Variants in ZFAT observed in about 807,000 individuals in gnomAD.
ZFAT encodes zinc finger and AT-hook domain containing, also known as zinc finger protein ZFAT.
A neutral mutation model predicts 117.7 loss-of-function variants in ZFAT; 64 were observed. That is an observed-to-expected ratio of 0.54 (90% confidence interval 0.44 to 0.67). The LOEUF is 0.67. ZFAT is among the 30% of genes least tolerant of loss of function. The pLI is 0.00. For synonymous variants in ZFAT, 679 were observed against 615.0 expected (o/e 1.10, Z -1.54); for missense variants, 1,433 against 1,584.5 (o/e 0.90, Z 1.62).
intron 3 of ZFAT, among the ~76,000 whole-genome samples, chr8:134,616,149 A>G (rs1244215852): frequency 6.6e-6 from 1 of 152,188 alleles, no homozygotes; most frequent in Non-Finnish European, 1.5e-5. Flanking sequence ...GCACTCCTGT[A>G]CAAGCCATGC....
chr8:134,652,458 A>G (rs1188160601), intron 2 of ZFAT, among the ~76,000 whole-genome samples: 1 of 152,230 alleles, frequency 6.6e-6, no homozygotes, highest in Non-Finnish European at 1.5e-5. Flanking sequence ...GGAAAGTCAT[A>G]AATATGTAGC....
Position 134,540,113 on chromosome 8 carries a change from G to C in ZFAT, c.2977-7141C>G, listed in dbSNP as rs148215699. Among the ~76,000 whole-genome samples the C allele has an allele frequency of 1.3e-3, 204 of 152,290 alleles. 2 individuals are homozygous for C. The highest frequency in any genetic ancestry group is 4.9e-3 in the African/African-American group (202 of 41,550). ...ATATTAGCACAGGCAACTAGTAGAT[G>C]CCCTAAGACTGAACACAGCCATAGA... On this transcript the variant is annotated intron_variant, in intron 11 of 15. Coordinates refer to ENST00000377838, the MANE Select transcript of ZFAT (RefSeq NM_020863.4).
chr8:134,751,028 C>T, the ZFAT span, among the ~76,000 whole-genome samples: 5 of 152,136 alleles, frequency 3.3e-5, no homozygotes. Flanking sequence ...TGTAGCAAAT[C>T]ACATTAATTT....
chr8:134,742,131 C>A, the ZFAT span, among the ~76,000 whole-genome samples: 1 of 150,720 alleles, frequency 6.6e-6, no homozygotes, highest in Admixed American at 6.6e-5. Flanking sequence ...GTCTTTGAAG[C>A]TTCATTTATT....
At chr8:134,755,334 A>C in the ZFAT span, among the ~76,000 whole-genome samples, 1 of 147,926 alleles carries the variant, frequency 6.8e-6, no homozygotes, top group Non-Finnish European at 1.5e-5. Context: ...AAATGCTTGA[A>C]CCTGGGAGGT....
intron 7 of ZFAT, 145 bp from the exon 8 acceptor site, chr8:134,590,500 C>T: frequency 1.6e-6 from 1 of 616,994 alleles, no homozygotes; most frequent in Admixed American, 2.6e-5. Flanking sequence ...ACCACCATCA[C>T]ATCACCATCA....
At chr8:134,645,187 A>T (rs187783882) in intron 2 of ZFAT, among the ~76,000 whole-genome samples, 57 of 152,376 alleles carry the variant, frequency 3.7e-4, no homozygotes, top group Middle Eastern at 6.8e-3. Context: ...GCTTCACGTT[A>T]TAACGAGAGA....
chr8:134,583,693 T>A (rs1825869264), intron 10 of ZFAT, 139 bp downstream of exon 10: 28 of 1,043,872 alleles, frequency 2.7e-5, no homozygotes, highest in Non-Finnish European at 3.8e-5. Flanking sequence ...AGGCCTGGTC[T>A]TCACCGCTCT....
At position 134,620,041 on chromosome 8, in the gene ZFAT, G is replaced by T. The variant is rs147773179; in HGVS notation, c.449-9386C>A. Among the ~76,000 whole-genome samples the T allele has an allele frequency of 2.0e-3, 307 of 152,324 alleles. 1 individual carries two copies. The highest frequency in any genetic ancestry group is 2.3e-3 in the Non-Finnish European group (155 of 68,024). ...CAATGAGATGAGGTGATAGTCAAAT[G>T]GCAAAGTGTAATACTGTGTTAAGGT... On this transcript the variant is annotated intron_variant, in intron 3 of 15. Coordinates refer to ENST00000377838, the MANE Select transcript of ZFAT (RefSeq NM_020863.4).
chr8:134,760,508 G>T, the ZFAT span, among the ~76,000 whole-genome samples: 1 of 152,174 alleles, frequency 6.6e-6, no homozygotes, highest in African/African-American at 2.4e-5. Flanking sequence ...GAATCACCCA[G>T]AAGACTAGAT....
intron 1 of ZFAT, among the ~76,000 whole-genome samples, chr8:134,684,069 C>T (rs571981455): frequency 1.8e-4 from 27 of 152,112 alleles, no homozygotes; most frequent in Non-Finnish European, 3.5e-4. Context: ...AAGCTGTTAA[C>T]TTACAGGGGA....
At chr8:134,785,063 G>T in the ZFAT span, 1 of 152,192 alleles carries the variant, frequency 6.6e-6, no homozygotes, top group African/African-American at 2.4e-5. Context: ...CTTTACTAAA[G>T]TATGAATTAT....
intron 3 of ZFAT, among the ~76,000 whole-genome samples, chr8:134,630,959 T>C (rs1447029085): frequency 2.6e-5 from 4 of 152,250 alleles, no homozygotes; most frequent in African/African-American, 7.2e-5. Context: ...AATTGTGATA[T>C]TGTGCTTGGC....
chr8:134,612,610 T>C (rs1413692735), intron 3 of ZFAT, among the ~76,000 whole-genome samples: 1 of 152,254 alleles, frequency 6.6e-6, no homozygotes, highest in Non-Finnish European at 1.5e-5. Context: ...ACAATCCAGG[T>C]GCTTGGACCA....
chr8:134,692,903 C>A (rs190974683), intron 1 of ZFAT, among the ~76,000 whole-genome samples: 2 of 152,182 alleles, frequency 1.3e-5, no homozygotes, highest in Middle Eastern at 3.4e-3. Context: ...ATAGTGAGAT[C>A]CAGATTTTTC....
At chr8:134,506,494 CT>C (rs1275224225) in intron 15 of ZFAT, among the ~76,000 whole-genome samples, 1 of 152,210 alleles carries the variant, frequency 6.6e-6, no homozygotes, top group Admixed American at 6.5e-5. Context: ...TGGGCAAAAT[CT>C]TTTCCTTGTC....
chr8:134,719,353 G>A, the ZFAT span, among the ~76,000 whole-genome samples: 1 of 152,306 alleles, frequency 6.6e-6, no homozygotes, highest in East Asian at 1.9e-4. Context: ...TCAGGGGTTG[G>A]TGGAAGGGAA....
the ZFAT span, among the ~76,000 whole-genome samples, chr8:134,823,439 A>G: frequency 9.9e-5 from 15 of 152,208 alleles, no homozygotes; most frequent in African/African-American, 2.7e-4. Flanking sequence ...CATTCTTTTA[A>G]GTGCTTATAT....
the ZFAT span, among the ~76,000 whole-genome samples, chr8:134,804,586 G>T: frequency 6.6e-6 from 1 of 152,146 alleles, no homozygotes; most frequent in Non-Finnish European, 1.5e-5. Context: ...ACTTGGAAAG[G>T]TTATAAAGAC....
Sources: gnomAD v4.1 joint callset for allele counts (sites outside exome capture counted in the v4.1 genomes callset) on GRCh38, gnomAD v4.1.1 for gene constraint, MANE v1.5 for transcripts, NCBI Gene and HGNC (gene_info 2026-07-23, HGNC 2026-07-21) for gene names.